LANCL3: variants seen among roughly 807,000 people sequenced by gnomAD.
LANCL3 encodes the protein LanC like family member 3.
In LANCL3, 19 loss-of-function variants were observed where a neutral mutation model predicts 26.5. That is an observed-to-expected ratio of 0.72 (90% CI 0.50 to 1.05). LANCL3 has a LOEUF of 1.05. Ranked by LOEUF, LANCL3 falls within the 50% of genes least tolerant of loss-of-function variation. LANCL3 has a pLI of 0.00. For synonymous variants in LANCL3, 160 were observed against 166.6 expected (o/e 0.96, Z 0.30); for missense variants, 318 against 362.7 (o/e 0.88, Z 1.00).
At chrX:37,657,149 T>C (rs1308473848) in intron 2 of LANCL3, among the ~76,000 whole-genome samples, 2 of 112,702 alleles carry the variant, frequency 1.8e-5, no homozygotes, top group Non-Finnish European at 3.8e-5. Context: ...GCTTTATTGA[T>C]TGGCTGCTCC....
rs1923575643 is a variant in LANCL3 at position 37,571,719 on chromosome X, C to G, written c.-152C>G. On this transcript the variant is annotated 5_prime_UTR_variant, in exon 1 of 5. Transcript: ENST00000378619. ...TTGGCCATCCGCTCCTTGCCCGCCT[C>G]CTCTTGTCACCTCCCGTCTCATCCT... 22 of 445,907 alleles carry G rather than the reference C, an allele frequency of 4.9e-5. No homozygotes were observed. Among genetic ancestry groups the G allele is most frequent in the Non-Finnish European group, 3.6e-6 (1 of 274,500 alleles). 36.7% of individuals were successfully genotyped at this position (445,907 alleles called of 1,213,427 possible).
intron 1 of LANCL3, among the ~76,000 whole-genome samples, chrX:37,624,715 C>T (rs782267561): frequency 1.3e-4 from 14 of 111,473 alleles, no homozygotes; most frequent in Admixed American, 1.0e-3. Context: ...AGCACATTTC[C>T]GGGATTTTCT....
At chrX:37,627,182 A>G (rs1257796655) in intron 1 of LANCL3, among the ~76,000 whole-genome samples, 1 of 112,457 alleles carries the variant, frequency 8.9e-6, no homozygotes, top group Admixed American at 9.4e-5. Context: ...AAATAAAGCC[A>G]TTATTCATTG....
intron 1 of LANCL3, among the ~76,000 whole-genome samples, chrX:37,582,779 T>C (rs1367980357): frequency 8.9e-6 from 1 of 112,156 alleles, no homozygotes; most frequent in African/African-American, 3.2e-5. Flanking sequence ...CTGTTCACTC[T>C]GATGGTAGTT....
intron 1 of LANCL3, among the ~76,000 whole-genome samples, chrX:37,614,854 G>T (rs1924965614): frequency 1.8e-5 from 2 of 112,138 alleles, no homozygotes; most frequent in African/African-American, 6.5e-5. Flanking sequence ...ACCATTTTGT[G>T]TACTGCAACT....
At chrX:37,630,546 C>T (rs1197488205) in intron 1 of LANCL3, among the ~76,000 whole-genome samples, 134 of 107,719 alleles carry the variant, frequency 1.2e-3, no homozygotes, top group African/African-American at 4.6e-3. Context: ...AAAGGGAATG[C>T]TTCCAGTTTT....
At chrX:37,583,414 G>C (rs1923959999) in intron 1 of LANCL3, among the ~76,000 whole-genome samples, 1 of 111,780 alleles carries the variant, frequency 8.9e-6, no homozygotes, top group South Asian at 3.8e-4. Flanking sequence ...GGGCAGTATA[G>C]CCATTTTCAC....
At chrX:37,653,921 A>G (rs1279693131) in intron 1 of LANCL3, among the ~76,000 whole-genome samples, 5 of 108,282 alleles carry the variant, frequency 4.6e-5, no homozygotes, top group African/African-American at 1.7e-4. Context: ...AGCAAATAGA[A>G]AAAAAAAAAA....
chrX:37,634,877 A>G (rs1346902717), intron 1 of LANCL3, among the ~76,000 whole-genome samples: 1 of 111,737 alleles, frequency 8.9e-6, no homozygotes, highest in Non-Finnish European at 1.9e-5. Context: ...CAAATGTGGC[A>G]AAATGTGAAC....
intron 1 of LANCL3, among the ~76,000 whole-genome samples, chrX:37,591,678 C>G (rs1274972498): frequency 9.2e-6 from 1 of 108,883 alleles, no homozygotes; most frequent in Non-Finnish European, 1.9e-5. Context: ...GTGTATATTA[C>G]ACTCTAGGCT....
intron 1 of LANCL3, among the ~76,000 whole-genome samples, chrX:37,621,934 G>A (rs1318684708): frequency 3.6e-5 from 4 of 111,477 alleles, no homozygotes; most frequent in South Asian, 3.8e-4. Context: ...CTGGTGCCGC[G>A]TGAGGATAGT....
In LANCL3 at chrX:37,597,477, G is replaced by A. The variant is rs782478703; in HGVS notation, c.573+25034G>A. On this transcript the variant is annotated intron_variant, in intron 1 of 4. Coordinates refer to ENST00000378619, the MANE Select transcript of LANCL3 (RefSeq NM_001170331.2). Reference sequence around the variant, plus strand: ...CACCATTTTACATCCCCACCAGCAAGGCACGAAGGGTTCAGTTTCTCCATA... The same window carrying A: ...CACCATTTTACATCCCCACCAGCAAAGCACGAAGGGTTCAGTTTCTCCATA... Among the ~76,000 whole-genome samples the A allele has an allele frequency of 1.3e-4, 14 of 110,563 alleles. No individual in the cohort carries two copies. The East Asian group carries it at 3.1e-3, about 25-fold the overall frequency.
At chrX:37,633,246 G>C (rs1027619384) in intron 1 of LANCL3, among the ~76,000 whole-genome samples, 1 of 109,482 alleles carries the variant, frequency 9.1e-6, no homozygotes, top group East Asian at 2.9e-4. Context: ...CCAGTTGATC[G>C]CATCGGTTCC....
At chrX:37,572,524 C>T (rs1923631319) in intron 1 of LANCL3, 81 bp downstream of exon 1, 5 of 862,085 alleles carry the variant, frequency 5.8e-6, no homozygotes, top group South Asian at 2.3e-5. Flanking sequence ...TCGGGCAGCA[C>T]TGTCCCGAGT....
At chrX:37,652,417 C>T (rs1435320136) in intron 1 of LANCL3, among the ~76,000 whole-genome samples, 3 of 111,457 alleles carry the variant, frequency 2.7e-5, no homozygotes, top group African/African-American at 9.8e-5. Flanking sequence ...CATACTCAGG[C>T]CAAACCAATA....
rs937381555 is a variant in LANCL3, at chrX:37,634,698, A to G, written c.574-20990A>G. The stretch of plus-strand genomic sequence containing the variant: ...AATTTAAATATAGACTAGATTAGAT[A>G]ATAGTATTGCATAAGTATTAGATTT... On this transcript the variant is annotated intron_variant, in intron 1 of 4. Coordinates refer to ENST00000378619, the MANE Select transcript of LANCL3 (RefSeq NM_001170331.2). Among the ~76,000 whole-genome samples the G allele has an allele frequency of 3.6e-5, 4 of 112,368 alleles. No individual in the cohort carries two copies. The East Asian group carries it at 1.1e-3, about 31-fold the overall frequency.
At chrX:37,575,684 A>G (rs148416897) in intron 1 of LANCL3, among the ~76,000 whole-genome samples, 319 of 112,461 alleles carry the variant, frequency 2.8e-3, no homozygotes, top group Non-Finnish European at 4.9e-3. Context: ...AATCACCTGC[A>G]GATCTTGTAG....
intron 1 of LANCL3, among the ~76,000 whole-genome samples, chrX:37,587,454 C>T (rs1924131643): frequency 8.9e-6 from 1 of 112,792 alleles, no homozygotes; most frequent in Non-Finnish European, 1.9e-5. Flanking sequence ...CCAGTTTGAG[C>T]TTCCTGGCCA....
chrX:37,589,507 G>T (rs1481565579), intron 1 of LANCL3, among the ~76,000 whole-genome samples: 1 of 111,345 alleles, frequency 9.0e-6, no homozygotes, highest in Non-Finnish European at 1.9e-5. Flanking sequence ...GTATTGGTGG[G>T]CTTCAGCATA....
Sources: allele counts gnomAD v4.1 joint callset (sites outside exome capture counted in the v4.1 genomes callset), GRCh38; gene constraint gnomAD v4.1.1; transcripts MANE v1.5; gene names NCBI Gene and HGNC (gene_info 2026-07-23, HGNC 2026-07-21).